Variants in CTNND2 observed in about 807,000 individuals in gnomAD.
CTNND2 encodes the protein catenin delta-2.
A neutral mutation model predicts 144.4 loss-of-function variants in CTNND2; 22 were observed. The ratio of observed to expected loss-of-function variants is 0.15; its 90% CI spans 0.11 to 0.22. The LOEUF is 0.22. CTNND2 is among the 10% of genes least tolerant of loss of function. CTNND2 has a pLI of 1.00. For synonymous variants in CTNND2, 751 were observed against 695.6 expected, an observed-to-expected ratio of 1.08 and a Z score of -1.25; for missense variants, 1,353 against 1,618.8, an observed-to-expected ratio of 0.84 and a Z score of 2.82.
intron 9 of CTNND2, among the ~76,000 whole-genome samples, chr5:11,262,761 CAAAAAAAAAAAAAAAAA>C (rs11289676): frequency 2.2e-5 from 1 of 45,680 alleles, no homozygotes; most frequent in Admixed American, 3.8e-4. Flanking sequence ...GACTCTGTCT[CAAAAAAAAAAAAAAAAA>C]AAAAAAAAAA....
intron 9 of CTNND2, among the ~76,000 whole-genome samples, chr5:11,304,650 G>A (rs1395323845): frequency 1.3e-5 from 2 of 152,166 alleles, no homozygotes; most frequent in Admixed American, 1.3e-4. Flanking sequence ...GGGGCCAGGG[G>A]TTTCCACTCT....
At chr5:11,374,461 C>T (rs1757729136) in intron 7 of CTNND2, among the ~76,000 whole-genome samples, 1 of 152,114 alleles carries the variant, frequency 6.6e-6, no homozygotes, top group Non-Finnish European at 1.5e-5. Flanking sequence ...GAGGAGTGGG[C>T]CCAGAGTCTT....
At chr5:11,735,922 CT>C (rs1292692913) in intron 1 of CTNND2, among the ~76,000 whole-genome samples, 1 of 152,158 alleles carries the variant, frequency 6.6e-6, no homozygotes, top group African/African-American at 2.4e-5. Flanking sequence ...GAAAGGGGGA[CT>C]CTTACATATT....
chr5:11,607,158 C>T (rs1780094247), intron 2 of CTNND2, among the ~76,000 whole-genome samples: 1 of 152,176 alleles, frequency 6.6e-6, no homozygotes, highest in African/African-American at 2.4e-5. Flanking sequence ...GACAGATTCT[C>T]CCTTGCAGCC....
At chr5:11,799,265 T>C (rs945381986) in intron 1 of CTNND2, among the ~76,000 whole-genome samples, 1 of 152,216 alleles carries the variant, frequency 6.6e-6, no homozygotes, top group African/African-American at 2.4e-5. Flanking sequence ...CATTCTGTGA[T>C]TCTATCTTAA....
intron 9 of CTNND2, among the ~76,000 whole-genome samples, chr5:11,342,922 A>C (rs1342654663): frequency 6.6e-6 from 1 of 152,212 alleles, no homozygotes; most frequent in Non-Finnish European, 1.5e-5. Flanking sequence ...TATGATAACA[A>C]TCCTTAAGAG....
At chr5:11,421,694 A>C (rs897443158) in intron 3 of CTNND2, among the ~76,000 whole-genome samples, 1 of 152,162 alleles carries the variant, frequency 6.6e-6, no homozygotes, top group Non-Finnish European at 1.5e-5. Flanking sequence ...GTCCTAGAGA[A>C]AATGGTGACA....
intron 12 of CTNND2, among the ~76,000 whole-genome samples, chr5:11,138,553 C>G (rs1314396785): frequency 6.6e-6 from 1 of 152,152 alleles, no homozygotes; most frequent in Non-Finnish European, 1.5e-5. Context: ...CCTGCCCAAC[C>G]TGTGCCCTGT....
At chr5:11,785,092 T>A (rs868093143) in intron 1 of CTNND2, among the ~76,000 whole-genome samples, 2 of 152,338 alleles carry the variant, frequency 1.3e-5, no homozygotes, top group African/African-American at 2.4e-5. Flanking sequence ...AATAAAAAAA[T>A]TTCCCTGATT....
intron 9 of CTNND2, among the ~76,000 whole-genome samples, chr5:11,290,203 C>A (rs950572812): frequency 6.6e-6 from 1 of 152,198 alleles, no homozygotes; most frequent in African/African-American, 2.4e-5. Context: ...TTAGCAAAGA[C>A]CCACTCTCTT....
chr5:11,891,945 C>T (rs900395405), intron 1 of CTNND2, among the ~76,000 whole-genome samples: 1 of 152,150 alleles, frequency 6.6e-6, no homozygotes, highest in Non-Finnish European at 1.5e-5. Flanking sequence ...AATATTTATG[C>T]CCTTCAGTGT....
chr5:11,256,235 G>T (rs939629839), intron 9 of CTNND2, among the ~76,000 whole-genome samples: 2 of 152,128 alleles, frequency 1.3e-5, no homozygotes, highest in Non-Finnish European at 2.9e-5. Context: ...CAAAAAAGTT[G>T]ATAATATGCC....
chr5:11,155,014 G>T (rs764440978), intron 12 of CTNND2, among the ~76,000 whole-genome samples: 9 of 152,164 alleles, frequency 5.9e-5, no homozygotes, highest in Non-Finnish European at 1.0e-4. Context: ...TATCTGCAAA[G>T]ACCTTATTTC....
chr5:11,129,293 TA>T (rs1755302156), intron 12 of CTNND2, among the ~76,000 whole-genome samples: 1 of 52,978 alleles, frequency 1.9e-5, no homozygotes, highest in Non-Finnish European at 3.6e-5. Flanking sequence ...TAAAAATATA[TA>T]ATATATATTA....
chr5:11,365,487 G>T (rs1003166138), intron 7 of CTNND2, among the ~76,000 whole-genome samples: 1 of 152,170 alleles, frequency 6.6e-6, no homozygotes, highest in Non-Finnish European at 1.5e-5. Context: ...CTAAATTGAA[G>T]CATTTACATT....
In CTNND2 at chr5:11,034,996, A is replaced by G. The variant is rs567960522; in HGVS notation, c.2789-12017T>C. 3.1e-3 allele frequency among the ~76,000 whole-genome samples: 461 copies of G among 149,574 alleles called. 1 individual carries two copies. Among genetic ancestry groups the G allele is most frequent in the African/African-American group, 0.011 (446 of 40,958 alleles). ...ACTAACTCGTCATCTAGCATTAGGT[A>G]TATCTCCCAATGCTATCCCTCCCCC... On this transcript the variant is annotated intron_variant, in intron 16 of 21. Coordinates refer to ENST00000304623, the MANE Select transcript of CTNND2 (RefSeq NM_001332.4).
At chr5:11,395,044 T>C (rs1759961745) in intron 6 of CTNND2, among the ~76,000 whole-genome samples, 1 of 152,234 alleles carries the variant, frequency 6.6e-6, no homozygotes, top group Non-Finnish European at 1.5e-5. Flanking sequence ...AACCTCGGCT[T>C]GAAGGAGTAA....
chr5:11,549,185 C>T (rs1347361830), intron 3 of CTNND2, among the ~76,000 whole-genome samples: 1 of 152,176 alleles, frequency 6.6e-6, no homozygotes, highest in Non-Finnish European at 1.5e-5. Flanking sequence ...GCTATCATCC[C>T]TGCTAAGGTA....
intron 1 of CTNND2, among the ~76,000 whole-genome samples, chr5:11,764,165 T>C (rs1484991772): frequency 6.6e-6 from 1 of 151,960 alleles, no homozygotes; most frequent in African/African-American, 2.4e-5. Context: ...ATTGCTGGCA[T>C]TGAAGATGGA....
Sources: gnomAD v4.1 joint callset for allele counts (sites outside exome capture counted in the v4.1 genomes callset) on GRCh38, gnomAD v4.1.1 for gene constraint, MANE v1.5 for transcripts, NCBI Gene and HGNC (gene_info 2026-07-23, HGNC 2026-07-21) for gene names.